Variants in ADAM23 observed in about 807,000 individuals in gnomAD.
ADAM23 encodes the protein disintegrin and metalloproteinase domain-containing protein 23.
A neutral mutation model predicts 120.1 loss-of-function variants in ADAM23; 33 were observed. The observed-to-expected ratio is 0.27, with a 90% CI of 0.21 to 0.37. The LOEUF (loss-of-function observed/expected upper bound fraction) is 0.37. Ranked by LOEUF, ADAM23 falls within the 10% of genes least tolerant of loss-of-function variation. The probability of loss-of-function intolerance (pLI) is 1.00; values close to 1 mark genes in which losing one functional copy is unlikely to be tolerated. For synonymous variants in ADAM23, 367 were observed against 375.2 expected (o/e 0.98, Z 0.25); for missense variants, 862 against 1,058.2 (o/e 0.81, Z 2.57).
chr2:206,477,880 T>TAAAAAAAAAAAAAA (rs71034456), intron 2 of ADAM23, among the ~76,000 whole-genome samples: 6 of 109,172 alleles, frequency 5.5e-5, no homozygotes, highest in African/African-American at 1.9e-4. Flanking sequence ...AATATTCTGT[T>TAAAAAAAAAAAAAA]AAAAAAAAAA....
intron 3 of ADAM23, among the ~76,000 whole-genome samples, chr2:206,493,722 T>C (rs937621709): frequency 8.5e-5 from 13 of 152,266 alleles, no homozygotes; most frequent in African/African-American, 3.1e-4. Flanking sequence ...TCACGTCCTT[T>C]AATATAATTA....
chr2:206,546,837 G>A (rs560597876), intron 6 of ADAM23, among the ~76,000 whole-genome samples: 1 of 152,138 alleles, frequency 6.6e-6, no homozygotes, highest in African/African-American at 2.4e-5. Flanking sequence ...TATGCACTCA[G>A]TAATGGAAGC....
chr2:206,606,305 G>A (rs1698727479), intron 24 of ADAM23, among the ~76,000 whole-genome samples: 1 of 152,094 alleles, frequency 6.6e-6, no homozygotes, highest in Non-Finnish European at 1.5e-5. Flanking sequence ...ATTATCAACA[G>A]TTATAGGACC....
chr2:206,587,360 A>G lies in ADAM23; in HGVS notation c.1773A>G (p.Ala591=), dbSNP rs769128720. The G allele has an allele frequency of 8.7e-6, 14 of 1,607,808 alleles. No individual in the cohort carries two copies. The highest frequency in any genetic ancestry group is 1.1e-5 in the Non-Finnish European group (13 of 1,176,900). The change falls in exon 19 of 26, where the codon GCA becomes GCG. Residue 591 remains alanine (A), a synonymous_variant. Coordinates refer to ENST00000264377, the MANE Select transcript of ADAM23 (RefSeq NM_003812.4). ...ATCTTCATAAGCAAGACGGATATGC[A>G]TGCAATCAAAATCAGGTATGCTGGG... ...PPNLHKQDGY[A]CNQNQGRCYN...
intron 14 of ADAM23, among the ~76,000 whole-genome samples, chr2:206,566,026 C>G (rs1048105844): frequency 6.6e-6 from 1 of 152,132 alleles, no homozygotes; most frequent in Non-Finnish European, 1.5e-5. Context: ...CCACGGTTCC[C>G]TATTACTCCA....
rs758258908 is a variant in ADAM23, at chr2:206,560,082, G to T, written c.1133G>T (p.Arg378Leu). ...MLHEFSKYRQ[R>L]IKQHADAVHL... Reference sequence around the variant, plus strand: ...CATGAGTTCTCAAAATACCGGCAGCGCATTAAGCAGCATGCTGATGCTGTG... The same window carrying T: ...CATGAGTTCTCAAAATACCGGCAGCTCATTAAGCAGCATGCTGATGCTGTG... Residue 378 changes from arginine (R) to leucine (L), a missense_variant, in exon 11 of 26, where the codon CGC becomes CTC. Arg to Leu is a moderately radical substitution (Grantham distance 102). This residue lies in a region of ADAM23 where 617 missense variants were observed against 813.5 expected (regional missense o/e 0.76). Coordinates refer to ENST00000264377, the MANE Select transcript of ADAM23 (RefSeq NM_003812.4). 6 of 1,613,928 alleles carry T rather than the reference G, an allele frequency of 3.7e-6. No homozygotes were observed. The African/African-American group carries it at 8.0e-5, about 22-fold the overall frequency.
At chr2:206,597,480 A>G (rs1176847260) in intron 24 of ADAM23, among the ~76,000 whole-genome samples, 1 of 152,050 alleles carries the variant, frequency 6.6e-6, no homozygotes, top group Non-Finnish European at 1.5e-5. Context: ...ACATCATCTT[A>G]TAATGTAGTC....
At chr2:206,527,737 A>C (rs963337375) in intron 3 of ADAM23, among the ~76,000 whole-genome samples, 1 of 152,180 alleles carries the variant, frequency 6.6e-6, no homozygotes, top group Non-Finnish European at 1.5e-5. Context: ...GGATACTGTG[A>C]TGAGTGGAAT....
chr2:206,571,125 A>G (rs749722403), intron 16 of ADAM23, among the ~76,000 whole-genome samples: 5 of 152,214 alleles, frequency 3.3e-5, no homozygotes, highest in Admixed American at 6.5e-5. Flanking sequence ...TCTTTATAAA[A>G]TAGATTGGGT....
chr2:206,582,461 A>C (rs1228806080), intron 18 of ADAM23, among the ~76,000 whole-genome samples: 1 of 152,180 alleles, frequency 6.6e-6, no homozygotes, highest in Admixed American at 6.5e-5. Context: ...TCCTGAAGGC[A>C]GCAGATGGTT....
At position 206,591,137 on chromosome 2, in the gene ADAM23, G is replaced by A. The variant is rs552445944; in HGVS notation, c.1959-1480G>A. 5.9e-5 allele frequency among the ~76,000 whole-genome samples: 9 copies of A among 152,236 alleles called. No individual in the cohort carries two copies. The East Asian group carries it at 1.7e-3, about 29-fold the overall frequency. ...GCTTGAGTCCAGGAGTTCAAGACCA[G>A]TCTGGACAACATAGTGAGTCCTCAT... On this transcript the variant is annotated intron_variant, in intron 21 of 25. Transcript: ENST00000264377.
At chr2:206,573,892 G>A (rs548600582) in intron 18 of ADAM23, among the ~76,000 whole-genome samples, 1 of 152,100 alleles carries the variant, frequency 6.6e-6, no homozygotes, top group East Asian at 1.9e-4. Context: ...GGGGCATTCT[G>A]CTGGATGGCT....
At position 206,512,810 on chromosome 2, in the gene ADAM23, C is replaced by G. The variant is rs1448592760; in HGVS notation, c.510-18075C>G. ...TTTGGGAGCCGTGCATTGAGCAAGT[C>G]TATTGGCACCATTTTTCCAACAGCG... On this transcript the variant is annotated intron_variant, in intron 3 of 25. Transcript: ENST00000264377. Among the ~76,000 whole-genome samples the G allele has an allele frequency of 2.0e-5, 3 of 152,288 alleles. No individual in the cohort carries two copies. In the East Asian group the frequency reaches 5.8e-4, roughly 29 times the overall value.
intron 3 of ADAM23, among the ~76,000 whole-genome samples, chr2:206,505,428 G>A (rs528127115): frequency 1.3e-5 from 2 of 152,166 alleles, no homozygotes; most frequent in African/African-American, 4.8e-5. Context: ...AACTGGGTAA[G>A]GGTTTATGGA....
intron 24 of ADAM23, among the ~76,000 whole-genome samples, chr2:206,598,295 ACT>A (rs923370575): frequency 1.9e-4 from 29 of 151,988 alleles, no homozygotes; most frequent in African/African-American, 7.0e-4. Flanking sequence ...ATTTACTTAG[ACT>A]CTGCCTTTTT....
chr2:206,608,010 T>A (rs762727697), intron 24 of ADAM23: 1 of 437,050 alleles, frequency 2.3e-6, no homozygotes, highest in South Asian at 1.7e-5. Flanking sequence ...ATAGAGTATG[T>A]ACATGGTTAT....
Position 206,464,038 on chromosome 2 carries a change from C to G in ADAM23, c.433-17194C>G, listed in dbSNP as rs151117624. Among the ~76,000 whole-genome samples the G allele has an allele frequency of 2.7e-3, 405 of 152,246 alleles. 1 individual carries two copies. Among genetic ancestry groups the G allele is most frequent in the African/African-American group, 9.3e-3 (388 of 41,562 alleles). ...AATTTCTGGACTCTGTAGATAGTTG[C>G]AATATTTCTTCTGTTATTATTTTTT... On this transcript the variant is annotated intron_variant, in intron 2 of 25. Coordinates refer to ENST00000264377, the MANE Select transcript of ADAM23 (RefSeq NM_003812.4).
At chr2:206,515,128 C>A (rs1696703130) in intron 3 of ADAM23, among the ~76,000 whole-genome samples, 1 of 152,090 alleles carries the variant, frequency 6.6e-6, no homozygotes. Flanking sequence ...TTGGTGTTAT[C>A]ATCCATGAAT....
rs189105656 is a variant in ADAM23, at chr2:206,545,100, C to T, written c.720+1784C>T. On this transcript the variant is annotated intron_variant, in intron 6 of 25. Transcript: ENST00000264377. ...GTCAGATCAGTGAAAAGAACTGTAG[C>T]GGGAAAATAATATTTTGTGAGTGAT... Among the ~76,000 whole-genome samples, 885 of 152,120 alleles carry T rather than the reference C, an allele frequency of 5.8e-3. 3 individuals are homozygous for T. The highest frequency in any genetic ancestry group is 0.024 in the Middle Eastern group (7 of 294).
Sources: allele counts gnomAD v4.1 joint callset (sites outside exome capture counted in the v4.1 genomes callset), GRCh38; gene constraint gnomAD v4.1.1; regional missense constraint gnomAD v4.1.1; transcripts MANE v1.5; gene names NCBI Gene and HGNC (gene_info 2026-07-23, HGNC 2026-07-21).